DCLK2: variants seen among roughly 807,000 people sequenced by gnomAD.
DCLK2 encodes serine/threonine-protein kinase DCLK2.
A neutral mutation model predicts 78.4 loss-of-function variants in DCLK2; 31 were observed. That is an observed-to-expected ratio of 0.40 (90% CI 0.30 to 0.53). The LOEUF (loss-of-function observed/expected upper bound fraction) is 0.53. Among genes scored for constraint, DCLK2 ranks in the 20% least tolerant of loss-of-function variants. The probability of loss-of-function intolerance (pLI) is 0.61; values close to 1 mark genes in which losing one functional copy is unlikely to be tolerated. For missense variants in DCLK2, 872 were observed against 973.7 expected (o/e 0.90, Z 1.39); for synonymous variants, 407 against 374.9 (o/e 1.09, Z -0.99).
At chr4:150,222,316 A>G (rs1271073919) in intron 7 of DCLK2, among the ~76,000 whole-genome samples, 1 of 152,084 alleles carries the variant, frequency 6.6e-6, no homozygotes, top group Non-Finnish European at 1.5e-5. Flanking sequence ...AGAGTATAAA[A>G]CTGTTTTATG....
intron 4 of DCLK2, chr4:150,198,919 C>CCT (rs1553967948): frequency 1.9e-5 from 12 of 617,344 alleles, no homozygotes; most frequent in Non-Finnish European, 3.0e-5. Context: ...CACCCCCCCC[C>CCT]CCACTTTCTG....
chr4:150,165,637 C>A (rs1375850724), intron 2 of DCLK2, among the ~76,000 whole-genome samples: 1 of 152,188 alleles, frequency 6.6e-6, no homozygotes, highest in Non-Finnish European at 1.5e-5. Flanking sequence ...TAAGCAGAAA[C>A]CTTAAACCTT....
intron 2 of DCLK2, among the ~76,000 whole-genome samples, chr4:150,104,042 T>C (rs1460400487): frequency 6.6e-6 from 1 of 151,882 alleles, no homozygotes; most frequent in Non-Finnish European, 1.5e-5. Context: ...AGTTGATTCT[T>C]GATGGGCACA....
chr4:150,102,412 T>C (rs141977115), intron 1 of DCLK2, 66 bp from the exon 2 acceptor site: 2 of 1,495,326 alleles, frequency 1.3e-6, no homozygotes, highest in East Asian at 2.3e-5. Context: ...CCAGCATCTG[T>C]TCTTTAGACC....
chr4:150,140,106 G>C (rs1255660109), intron 2 of DCLK2, among the ~76,000 whole-genome samples: 1 of 152,118 alleles, frequency 6.6e-6, no homozygotes, highest in African/African-American at 2.4e-5. Flanking sequence ...GGTATAAAGA[G>C]GGGAATGTAG....
chr4:150,104,731 T>G (rs973120316), intron 2 of DCLK2, among the ~76,000 whole-genome samples: 1 of 151,714 alleles, frequency 6.6e-6, no homozygotes, highest in Non-Finnish European at 1.5e-5. Flanking sequence ...CTATATTCAG[T>G]TAAATATTTA....
In DCLK2 at chr4:150,102,811, A is replaced by G. The variant is rs543969054; in HGVS notation, c.755A>G (p.Gln252Arg). The stretch of plus-strand genomic sequence containing the variant: ...AGGCTCTGCACCCTGGATGGAAAGC[A>G]GGTAAGATGCTTCTAGCTCCCAGCT... ...VKRLCTLDGKQVTCLQDFFGD... is the reference protein window; with the variant it reads ...VKRLCTLDGKRVTCLQDFFGD... The change falls in exon 2 of 16, where the codon CAG becomes CGG. Residue 252 changes from glutamine to arginine, a missense_variant and splice_region_variant. By Grantham distance (43) the Gln-to-Arg change is conservative. This residue lies in a region of DCLK2 where 567 missense variants were observed against 593.4 expected (regional missense o/e 0.96). Transcript: ENST00000296550. 4 of 1,596,358 alleles carry G rather than the reference A, an allele frequency of 2.5e-6. No homozygotes were observed. Among genetic ancestry groups the G allele is most frequent in the Admixed American group, 3.5e-5 (2 of 57,788 alleles).
chr4:150,136,502 G>A (rs1194772121), intron 2 of DCLK2, among the ~76,000 whole-genome samples: 6 of 152,214 alleles, frequency 3.9e-5, no homozygotes, highest in Admixed American at 3.9e-4. Flanking sequence ...TCATTAGATG[G>A]CATGAGATTC....
chr4:150,253,681 C>T, intron 15 of DCLK2: 1 of 1,223,764 alleles, frequency 8.2e-7, no homozygotes, highest in Non-Finnish European at 1.0e-6. Flanking sequence ...GTCTTTTGTA[C>T]CTACTCACAT....
rs1411151098 is a variant in DCLK2 at position 150,175,122 on chromosome 4, TA to T, written c.757-18015del. On this transcript the variant is annotated intron_variant, in intron 2 of 15. Transcript: ENST00000296550. ...TATATATTTATATATTTATATTTTTTATATATATATAATTTATGTATATTTT... is the reference window on the plus strand; with the variant it reads ...TATATATTTATATATTTATATTTTTTTATATATATAATTTATGTATATTTT... Among the ~76,000 whole-genome samples, 98 of 66,692 alleles carry T rather than the reference TA, an allele frequency of 1.5e-3. 12 individuals carry two copies. The highest frequency in any genetic ancestry group is 3.4e-3 in the African/African-American group (50 of 14,850). The allele number at this position is 66,692 out of a possible 152,430, so 43.8% of individuals were successfully genotyped here.
chr4:150,091,487 T>G (rs1730068531), intron 1 of DCLK2, among the ~76,000 whole-genome samples: 1 of 152,194 alleles, frequency 6.6e-6, no homozygotes, highest in African/African-American at 2.4e-5. Context: ...GATTTGTAAA[T>G]AAGTTTTCCT....
intron 4 of DCLK2, among the ~76,000 whole-genome samples, chr4:150,202,119 G>A (rs1739500450): frequency 1.3e-5 from 2 of 152,034 alleles, no homozygotes; most frequent in South Asian, 2.1e-4. Context: ...TTCTGGGTTT[G>A]GACAAGTTTA....
intron 2 of DCLK2, among the ~76,000 whole-genome samples, chr4:150,127,378 G>A (rs1732995372): frequency 6.6e-6 from 1 of 152,124 alleles, no homozygotes; most frequent in African/African-American, 2.4e-5. Context: ...ACTTGATAAG[G>A]AAGAGCTATC....
chr4:150,147,644 T>G (rs1734576078), intron 2 of DCLK2, among the ~76,000 whole-genome samples: 1 of 144,472 alleles, frequency 6.9e-6, no homozygotes, highest in Non-Finnish European at 1.5e-5. Flanking sequence ...AGTCCCATTA[T>G]GTACAATTTG....
intron 2 of DCLK2, among the ~76,000 whole-genome samples, chr4:150,125,078 A>G (rs781474220): frequency 6.6e-6 from 1 of 152,218 alleles, no homozygotes; most frequent in Non-Finnish European, 1.5e-5. Flanking sequence ...TACTAGCAGT[A>G]TTGTTTCAGA....
chr4:150,253,053 T>C (rs114669343), intron 15 of DCLK2, among the ~76,000 whole-genome samples: 1 of 152,198 alleles, frequency 6.6e-6, no homozygotes, highest in African/African-American at 2.4e-5. Flanking sequence ...TGGGGGAACT[T>C]GCGATGCTGC....
chr4:150,184,572 G>A (rs149531346), intron 2 of DCLK2, among the ~76,000 whole-genome samples: 3 of 148,964 alleles, frequency 2.0e-5, no homozygotes, highest in African/African-American at 5.0e-5. Context: ...ATGGGTGTCA[G>A]TCTTGTGTTT....
intron 15 of DCLK2, among the ~76,000 whole-genome samples, chr4:150,252,165 T>C (rs183620192): frequency 6.6e-6 from 1 of 152,346 alleles, no homozygotes; most frequent in East Asian, 1.9e-4. Flanking sequence ...GCCAACAGCA[T>C]GAGAATGTTT....
chr4:150,179,307 T>C (rs7674585), intron 2 of DCLK2, among the ~76,000 whole-genome samples: 137,793 of 152,258 alleles, frequency 0.9, 62,449 homozygotes, highest in Middle Eastern at 0.93. Context: ...AGATTACAGG[T>C]GTGAGCCACT....
Sources: allele counts gnomAD v4.1 joint callset (sites outside exome capture counted in the v4.1 genomes callset), GRCh38; gene constraint gnomAD v4.1.1; regional missense constraint gnomAD v4.1.1; transcripts MANE v1.5; gene names NCBI Gene and HGNC (gene_info 2026-07-23, HGNC 2026-07-21).